The following FRMD5 variants were observed in gnomAD, a reference collection of about 807,000 sequenced individuals.
FRMD5 encodes FERM domain-containing protein 5.
A neutral mutation model predicts 69.0 loss-of-function variants in FRMD5; 20 were observed. That is an observed-to-expected ratio of 0.29 (90% confidence interval 0.20 to 0.42). The LOEUF (loss-of-function observed/expected upper bound fraction) is 0.42, where lower values mean the gene tolerates loss of function less well. Among genes scored for constraint, FRMD5 ranks in the 10% least tolerant of loss-of-function variants. The probability of loss-of-function intolerance (pLI) is 1.00; values close to 1 mark genes in which losing one functional copy is unlikely to be tolerated. For synonymous variants in FRMD5, 271 were observed against 260.1 expected (o/e 1.04, Z -0.40); for missense variants, 595 against 708.6 (o/e 0.84, Z 1.82).
chr15:44,197,146 A>C (rs2140637514), upstream of FRMD5, among the ~76,000 whole-genome samples: 1 of 152,016 alleles, frequency 6.6e-6, no homozygotes, highest in East Asian at 2.0e-4. Flanking sequence ...GATTGCAGTG[A>C]GCTGAGATTG....
At chr15:44,036,955 CCTGA>C (rs1426956630) in intron 1 of FRMD5, among the ~76,000 whole-genome samples, 2 of 152,062 alleles carry the variant, frequency 1.3e-5, no homozygotes, top group East Asian at 1.9e-4. Flanking sequence ...CATTATTTTG[CCTGA>C]CTGTTAGGCA....
intron 1 of FRMD5, among the ~76,000 whole-genome samples, chr15:44,144,835 T>C (rs150542769): frequency 2.6e-5 from 4 of 152,272 alleles, no homozygotes; most frequent in Non-Finnish European, 4.4e-5. Context: ...TGTGAGAAGA[T>C]TGAGGAAACC....
intron 1 of FRMD5, among the ~76,000 whole-genome samples, chr15:44,018,663 GA>G (rs1891077437): frequency 6.6e-6 from 1 of 152,152 alleles, no homozygotes; most frequent in African/African-American, 2.4e-5. Context: ...TACAGGGCAG[GA>G]GGAGAAAGCC....
intron 1 of FRMD5, among the ~76,000 whole-genome samples, chr15:43,956,495 CTTTT>C (rs762683612): frequency 6.6e-6 from 1 of 151,032 alleles, no homozygotes; most frequent in Non-Finnish European, 1.5e-5. Context: ...TGTGAGACGA[CTTTT>C]TTTTTGCTCT....
At chr15:43,963,740 GT>G (rs2090244489) in intron 1 of FRMD5, among the ~76,000 whole-genome samples, 2 of 152,284 alleles carry the variant, frequency 1.3e-5, no homozygotes, top group African/African-American at 4.8e-5. Context: ...AAAATGATGA[GT>G]TCATGCACTT....
intron 9 of FRMD5, 91 bp downstream of exon 9, chr15:43,888,718 G>T: frequency 9.5e-7 from 1 of 1,049,866 alleles, no homozygotes. Flanking sequence ...GGGTAGCTTG[G>T]CTCTACTGGG....
At position 43,886,397 on chromosome 15, in the gene FRMD5, C is replaced by A. The variant is rs1007735849; in HGVS notation, c.885-642G>T. ...GTCCGTCATGTATTTGAATTTGGAG[C>A]CTTTCTCCCTCCCCCAGGATATCTA... is the stretch of plus-strand genomic sequence containing the variant. On this transcript the variant is annotated intron_variant, in intron 10 of 13. Coordinates refer to ENST00000417257, the MANE Select transcript of FRMD5 (RefSeq NM_032892.5). 4.6e-5 allele frequency among the ~76,000 whole-genome samples: 7 copies of A among 152,280 alleles called. No homozygotes were observed. The South Asian group carries it at 1.2e-3, about 27-fold the overall frequency.
intron 1 of FRMD5, among the ~76,000 whole-genome samples, chr15:44,148,929 C>T (rs2077401370): frequency 6.6e-6 from 1 of 152,010 alleles, no homozygotes; most frequent in African/African-American, 2.4e-5. Flanking sequence ...ATTTGTAACT[C>T]CAGTTTTTGT....
At chr15:43,973,942 C>T (rs2090426652) in intron 1 of FRMD5, among the ~76,000 whole-genome samples, 1 of 150,790 alleles carries the variant, frequency 6.6e-6, no homozygotes, top group African/African-American at 2.4e-5. Context: ...GGATTTAGGC[C>T]TAGTAAATTT....
At chr15:44,020,774 A>T (rs981719757) in intron 1 of FRMD5, among the ~76,000 whole-genome samples, 1 of 152,154 alleles carries the variant, frequency 6.6e-6, no homozygotes, top group Admixed American at 6.5e-5. Context: ...AAAACAATAA[A>T]TCAAGCCCTG....
intron 1 of FRMD5, among the ~76,000 whole-genome samples, chr15:44,104,920 T>C (rs769696875): frequency 5.9e-5 from 9 of 152,278 alleles, no homozygotes; most frequent in Admixed American, 5.9e-4. Flanking sequence ...TTTCTTTTTA[T>C]TGGCAATATT....
chr15:44,029,445 G>A (rs567112647), intron 1 of FRMD5, among the ~76,000 whole-genome samples: 2 of 152,336 alleles, frequency 1.3e-5, no homozygotes, highest in Non-Finnish European at 2.9e-5. Context: ...CTGGTGTTTA[G>A]CAGCAACTTT....
At chr15:43,907,255 G>C (rs1390751140) in intron 5 of FRMD5, among the ~76,000 whole-genome samples, 1 of 152,190 alleles carries the variant, frequency 6.6e-6, no homozygotes, top group Non-Finnish European at 1.5e-5. Context: ...GCTGAATATT[G>C]TACTTGGGAC....
intron 8 of FRMD5, among the ~76,000 whole-genome samples, chr15:43,891,770 G>T (rs958249064): frequency 6.6e-6 from 1 of 152,120 alleles, no homozygotes; most frequent in Non-Finnish European, 1.5e-5. Context: ...TTTCCTTTCT[G>T]GAGAGGCTGT....
chr15:44,069,897 A>G (rs1893463245), intron 1 of FRMD5, among the ~76,000 whole-genome samples: 1 of 152,194 alleles, frequency 6.6e-6, no homozygotes, highest in East Asian at 1.9e-4. Context: ...TTTAAAAAAT[A>G]GCTCAGGTTA....
intron 7 of FRMD5, among the ~76,000 whole-genome samples, chr15:43,896,750 C>T (rs1446544796): frequency 6.6e-6 from 1 of 152,180 alleles, no homozygotes; most frequent in Non-Finnish European, 1.5e-5. Context: ...GTTGTTAGGC[C>T]TCTAGGGTCA....
chr15:44,005,971 A>G (rs1890428922), intron 1 of FRMD5, among the ~76,000 whole-genome samples: 1 of 152,246 alleles, frequency 6.6e-6, no homozygotes, highest in Non-Finnish European at 1.5e-5. Context: ...ACCTGAGATC[A>G]CTTATGAAGG....
chr15:43,952,997 G>A (rs1464709143), intron 1 of FRMD5, among the ~76,000 whole-genome samples: 1 of 152,236 alleles, frequency 6.6e-6, no homozygotes, highest in Non-Finnish European at 1.5e-5. Context: ...AAGAACCCCA[G>A]AAGCCAGGGG....
At chr15:43,910,459 C>T (rs909860702) in intron 4 of FRMD5, among the ~76,000 whole-genome samples, 32 of 150,806 alleles carry the variant, frequency 2.1e-4, no homozygotes, top group Admixed American at 1.6e-3. Context: ...TATGTGGAAA[C>T]AGCCTGCAGT....
Sources: gnomAD v4.1 joint callset for allele counts (sites outside exome capture counted in the v4.1 genomes callset) on GRCh38, gnomAD v4.1.1 for gene constraint, MANE v1.5 for transcripts, NCBI Gene and HGNC (gene_info 2026-07-23, HGNC 2026-07-21) for gene names.